The following NALF1 variants were observed in gnomAD, a reference collection of about 807,000 sequenced individuals.
The protein encoded by NALF1 is NALCN channel auxiliary factor 1.
NALF1 carries 3 observed loss-of-function variants against 48.4 expected under a neutral mutation model. That is an observed-to-expected ratio of 0.06 (90% CI 0.03 to 0.16). NALF1 has a LOEUF of 0.16. Among genes scored for constraint, NALF1 ranks in the 10% least tolerant of loss-of-function variants. The pLI, the probability that NALF1 is intolerant of heterozygous loss-of-function variation, is 1.00. For synonymous variants in NALF1, 262 were observed against 245.7 expected (o/e 1.07, Z -0.62); for missense variants, 526 against 571.5 (o/e 0.92, Z 0.81).
chr13:107,564,676 C>T (rs1268405743), intron 1 of NALF1, among the ~76,000 whole-genome samples: 1 of 152,198 alleles, frequency 6.6e-6, no homozygotes, highest in Non-Finnish European at 1.5e-5. Context: ...AGCCTCCATA[C>T]ACCTTCCTCC....
At chr13:107,252,445 A>G (rs1330974519) in intron 1 of NALF1, among the ~76,000 whole-genome samples, 2 of 151,348 alleles carry the variant, frequency 1.3e-5, no homozygotes, top group Non-Finnish European at 2.9e-5. Context: ...GGAGAAAGAG[A>G]GGGACAGACA....
chr13:107,363,009 T>C (rs1247680700), intron 1 of NALF1, among the ~76,000 whole-genome samples: 7 of 152,076 alleles, frequency 4.6e-5, no homozygotes, highest in Non-Finnish European at 1.0e-4. Flanking sequence ...AAAAAATAGA[T>C]CTTAACCAGG....
intron 1 of NALF1, among the ~76,000 whole-genome samples, chr13:107,721,374 A>C (rs1045964909): frequency 1.3e-5 from 2 of 152,236 alleles, no homozygotes; most frequent in Admixed American, 6.5e-5. Flanking sequence ...CCAGAACACA[A>C]CTGTTGCTCA....
intron 1 of NALF1, among the ~76,000 whole-genome samples, chr13:107,791,784 C>CT (rs376229742): frequency 1.3e-5 from 2 of 151,674 alleles, no homozygotes; most frequent in Non-Finnish European, 2.9e-5. Flanking sequence ...TCCCCGCCCC[C>CT]CCCCGTCTCT....
chr13:107,536,542 C>T (rs1232884384), intron 1 of NALF1, among the ~76,000 whole-genome samples: 1 of 152,134 alleles, frequency 6.6e-6, no homozygotes, highest in African/African-American at 2.4e-5. Flanking sequence ...CCATCTCACA[C>T]CAGTTAGAAT....
intron 2 of NALF1, among the ~76,000 whole-genome samples, chr13:107,196,129 C>T (rs2138789215): frequency 6.6e-6 from 1 of 152,196 alleles, no homozygotes; most frequent in East Asian, 1.9e-4. Flanking sequence ...AGGGGAACAA[C>T]ACACATTGAT....
At chr13:107,599,211 G>A (rs1006040549) in intron 1 of NALF1, among the ~76,000 whole-genome samples, 1 of 152,056 alleles carries the variant, frequency 6.6e-6, no homozygotes, top group Non-Finnish European at 1.5e-5. Flanking sequence ...ACGAGGTCAG[G>A]AGATGGAGAC....
chr13:107,207,410 G>A (rs1281589873), intron 2 of NALF1, among the ~76,000 whole-genome samples: 1 of 152,160 alleles, frequency 6.6e-6, no homozygotes, highest in Non-Finnish European at 1.5e-5. Context: ...ATCCAAAAAT[G>A]TGCAACTTAA....
chr13:107,804,553 T>A (rs1214392216), intron 1 of NALF1, among the ~76,000 whole-genome samples: 1 of 152,082 alleles, frequency 6.6e-6, no homozygotes, highest in Non-Finnish European at 1.5e-5. Context: ...CATCCCTCCA[T>A]CCTGTGGCAC....
chr13:107,572,516 T>C (rs1265927595), intron 1 of NALF1, among the ~76,000 whole-genome samples: 1 of 152,234 alleles, frequency 6.6e-6, no homozygotes, highest in African/African-American at 2.4e-5. Context: ...GTTGCTATTC[T>C]GTGAGTAACA....
At chr13:107,620,449 T>C (rs547096877) in intron 1 of NALF1, among the ~76,000 whole-genome samples, 64 of 152,316 alleles carry the variant, frequency 4.2e-4, no homozygotes, top group East Asian at 1.7e-3. Flanking sequence ...TGCAATTCTA[T>C]AATTAGATGT....
chr13:107,810,503 T>C (rs1458828971), intron 1 of NALF1, among the ~76,000 whole-genome samples: 1 of 152,104 alleles, frequency 6.6e-6, no homozygotes, highest in Non-Finnish European at 1.5e-5. Flanking sequence ...TTTCTGTTGA[T>C]CTCCTTAATT....
chr13:107,248,640 T>G (rs1046290132), intron 1 of NALF1, among the ~76,000 whole-genome samples: 7 of 150,426 alleles, frequency 4.7e-5, no homozygotes, highest in African/African-American at 1.5e-4. Context: ...AAAATTCAGT[T>G]CCTCAGTTGT....
intron 1 of NALF1, among the ~76,000 whole-genome samples, chr13:107,622,829 T>C (rs1033270305): frequency 6.6e-6 from 1 of 152,214 alleles, no homozygotes; most frequent in African/African-American, 2.4e-5. Flanking sequence ...TTATGGTAAC[T>C]AGGCATAGCA....
intron 1 of NALF1, among the ~76,000 whole-genome samples, chr13:107,629,243 G>C (rs1879767070): frequency 6.6e-6 from 1 of 152,086 alleles, no homozygotes; most frequent in Non-Finnish European, 1.5e-5. Context: ...GCTATTTGTA[G>C]GAGTAATACT....
intron 2 of NALF1, among the ~76,000 whole-genome samples, chr13:107,198,974 A>AC (rs1302117698): frequency 1.3e-5 from 2 of 152,200 alleles, no homozygotes; most frequent in Non-Finnish European, 2.9e-5. Context: ...ATGTAAATGT[A>AC]TTTCACAATA....
intron 2 of NALF1, among the ~76,000 whole-genome samples, chr13:107,184,399 G>C (rs1166868239): frequency 6.6e-6 from 1 of 152,042 alleles, no homozygotes; most frequent in Admixed American, 6.6e-5. Flanking sequence ...GTTTTGCTTT[G>C]TGTGTTTCAG....
intron 1 of NALF1, among the ~76,000 whole-genome samples, chr13:107,350,791 G>A (rs1008657007): frequency 1.3e-5 from 2 of 152,176 alleles, no homozygotes; most frequent in Non-Finnish European, 2.9e-5. Context: ...ATGATGCACA[G>A]ACTGCTGGCC....
intron 1 of NALF1, among the ~76,000 whole-genome samples, chr13:107,434,707 G>T (rs540753933): frequency 6.6e-6 from 1 of 152,292 alleles, no homozygotes; most frequent in East Asian, 1.9e-4. Context: ...CCACTTAAAA[G>T]CAAGGCCCTT....
Sources: gnomAD v4.1 joint callset for allele counts (sites outside exome capture counted in the v4.1 genomes callset) on GRCh38, gnomAD v4.1.1 for gene constraint, MANE v1.5 for transcripts, NCBI Gene and HGNC (gene_info 2026-07-23, HGNC 2026-07-21) for gene names.